The following PRMT3 variants were observed in gnomAD, a reference collection of about 807,000 sequenced individuals.
PRMT3 encodes the protein protein arginine methyltransferase 3, also known as protein arginine N-methyltransferase 3.
PRMT3 carries 62 observed loss-of-function variants against 71.9 expected under a neutral mutation model. The ratio of observed to expected loss-of-function variants is 0.86; its 90% CI spans 0.70 to 1.07. The LOEUF is 1.07. Among genes scored for constraint, PRMT3 ranks in the 50% least tolerant of loss-of-function variants. PRMT3 has a pLI of 0.00. For synonymous variants in PRMT3, 213 were observed against 220.4 expected (o/e 0.97, Z 0.30); for missense variants, 663 against 643.0 (o/e 1.03, Z -0.34).
intron 13 of PRMT3, among the ~76,000 whole-genome samples, chr11:20,483,704 G>A (rs994783162): frequency 2.0e-5 from 3 of 152,080 alleles, no homozygotes; most frequent in Admixed American, 6.6e-5. Context: ...TAGAAGGAGA[G>A]GCCAACATAA....
intron 10 of PRMT3, among the ~76,000 whole-genome samples, chr11:20,445,963 G>A (rs1850017834): frequency 1.3e-5 from 2 of 152,088 alleles, no homozygotes; most frequent in African/African-American, 4.8e-5. Context: ...ACACATCATA[G>A]GAAAAGGTTT....
intron 13 of PRMT3, among the ~76,000 whole-genome samples, chr11:20,471,680 A>G (rs989136874): frequency 6.6e-6 from 1 of 152,038 alleles, no homozygotes; most frequent in Non-Finnish European, 1.5e-5. Flanking sequence ...GCTTAGGATC[A>G]TCTTCACTAT....
chr11:20,405,360 T>G (rs954208279), intron 8 of PRMT3: 1 of 151,954 alleles, frequency 6.6e-6, no homozygotes, highest in African/African-American at 2.4e-5. Flanking sequence ...TCCTCATCAT[T>G]TTATAAAATA....
chr11:20,508,149 TAAAAAAAAA>T (rs11338942), intron 15 of PRMT3, among the ~76,000 whole-genome samples, 146 bp from the exon 16 acceptor site: 2 of 122,890 alleles, frequency 1.6e-5, no homozygotes, highest in Non-Finnish European at 3.3e-5. Flanking sequence ...GACTCCATCT[TAAAAAAAAA>T]AAAAAAAAAA....
intron 3 of PRMT3, among the ~76,000 whole-genome samples, chr11:20,391,858 G>C (rs1414776023): frequency 6.6e-6 from 1 of 152,128 alleles, no homozygotes; most frequent in African/African-American, 2.4e-5. Flanking sequence ...ATAAAAATTA[G>C]GGATTTAATA....
chr11:20,478,050 G>T (rs952018414), intron 13 of PRMT3, among the ~76,000 whole-genome samples: 2 of 152,130 alleles, frequency 1.3e-5, no homozygotes, highest in African/African-American at 4.8e-5. Flanking sequence ...TTGGGCAAAC[G>T]CCCTCAGGTA....
chr11:20,438,379 C>T (rs559847520), intron 10 of PRMT3, among the ~76,000 whole-genome samples: 14 of 152,092 alleles, frequency 9.2e-5, no homozygotes, highest in African/African-American at 2.9e-4. Flanking sequence ...CAGCAAGTAC[C>T]CTAGAATGGT....
intron 8 of PRMT3, chr11:20,407,273 A>G (rs1034296128): frequency 2.0e-5 from 3 of 152,134 alleles, no homozygotes; most frequent in Admixed American, 1.3e-4. Context: ...GAAACTTATT[A>G]TATACTGTTC....
intron 13 of PRMT3, among the ~76,000 whole-genome samples, chr11:20,486,381 A>T (rs537457755): frequency 6.6e-6 from 1 of 152,336 alleles, no homozygotes; most frequent in South Asian, 2.1e-4. Context: ...GAAACTACAG[A>T]AACCAAAGAA....
chr11:20,483,030 A>T (rs1850979778), intron 13 of PRMT3, among the ~76,000 whole-genome samples: 1 of 152,030 alleles, frequency 6.6e-6, no homozygotes, highest in Admixed American at 6.6e-5. Context: ...AAAAAAAACT[A>T]TTCATTTCAG....
At chr11:20,436,858 G>C (rs575401590) in intron 10 of PRMT3, among the ~76,000 whole-genome samples, 1 of 152,110 alleles carries the variant, frequency 6.6e-6, no homozygotes, top group Non-Finnish European at 1.5e-5. Flanking sequence ...AGAGTAATCG[G>C]TGTTAGTTCT....
At position 20,397,688 on chromosome 11, in the gene PRMT3, C is replaced by T. The variant is rs144061782; in HGVS notation, c.672C>T (p.Tyr224=). ...EDEDGVYFSS[Y]GHYGIHEEML... ...AGGATGGTGTTTATTTCAGCTCATACGGGCATTATGGGATACATGAAGAAA... is the reference window on the plus strand; with the variant it reads ...AGGATGGTGTTTATTTCAGCTCATATGGGCATTATGGGATACATGAAGAAA... The change falls in exon 7 of 16, where the codon TAC becomes TAT. Residue 224 remains tyrosine (Y), a synonymous_variant. Coordinates refer to ENST00000331079, the MANE Select transcript of PRMT3 (RefSeq NM_005788.4). The T allele has an allele frequency of 1.4e-5, 23 of 1,613,964 alleles. No individual in the cohort carries two copies. The highest frequency in any genetic ancestry group is 1.3e-4 in the African/African-American group (10 of 74,966).
chr11:20,493,890 G>A (rs1489435671), intron 13 of PRMT3, 29 bp from the exon 14 acceptor site: 2 of 1,423,620 alleles, frequency 1.4e-6, no homozygotes, highest in South Asian at 2.4e-5. Flanking sequence ...CATTTAGTAA[G>A]CATTTATATT....
At chr11:20,443,355 G>A (rs779002150) in intron 10 of PRMT3, among the ~76,000 whole-genome samples, 6 of 152,106 alleles carry the variant, frequency 3.9e-5, no homozygotes, top group Non-Finnish European at 7.4e-5. Context: ...AGATATATTT[G>A]TTTGTCCCAG....
chr11:20,405,984 C>T (rs1379104728), intron 8 of PRMT3: 3 of 152,158 alleles, frequency 2.0e-5, no homozygotes, highest in East Asian at 3.9e-4. Context: ...CCTCCCAGCC[C>T]CTGGAAATCA....
At chr11:20,430,303 G>A (rs1166054963) in intron 10 of PRMT3, among the ~76,000 whole-genome samples, 1 of 152,116 alleles carries the variant, frequency 6.6e-6, no homozygotes, top group African/African-American at 2.4e-5. Context: ...TAATGGATGT[G>A]TAATCCGGTA....
At chr11:20,425,171 G>A (rs564607105) in intron 9 of PRMT3, among the ~76,000 whole-genome samples, 1 of 151,168 alleles carries the variant, frequency 6.6e-6, no homozygotes, top group African/African-American at 2.4e-5. Flanking sequence ...AGATTCGAAC[G>A]AAAGAAGACA....
At chr11:20,399,511 C>T (rs1848902888) in intron 7 of PRMT3, among the ~76,000 whole-genome samples, 1 of 151,886 alleles carries the variant, frequency 6.6e-6, no homozygotes, top group Non-Finnish European at 1.5e-5. Flanking sequence ...GCTTCATTTT[C>T]TTTATTAAAA....
At chr11:20,428,440 G>A (rs1849591269) in intron 10 of PRMT3, among the ~76,000 whole-genome samples, 1 of 152,098 alleles carries the variant, frequency 6.6e-6, no homozygotes. Flanking sequence ...AATAACTAAT[G>A]GGATAGTTCT....
Sources: allele counts gnomAD v4.1 joint callset (sites outside exome capture counted in the v4.1 genomes callset), GRCh38; gene constraint gnomAD v4.1.1; transcripts MANE v1.5; gene names NCBI Gene and HGNC (gene_info 2026-07-23, HGNC 2026-07-21).